Variants in VWCE observed in about 807,000 individuals in gnomAD.
VWCE encodes the protein von Willebrand factor C and EGF domain-containing protein.
In VWCE, 68 loss-of-function variants were observed where a neutral mutation model predicts 102.9. The observed-to-expected ratio is 0.66, with a 90% confidence interval of 0.54 to 0.81. The LOEUF is 0.81. VWCE is among the 30% of genes least tolerant of loss of function. The pLI is 0.00. For synonymous variants in VWCE, 497 were observed against 515.4 expected (o/e 0.96, Z 0.48); for missense variants, 1,137 against 1,263.6 (o/e 0.90, Z 1.52).
chr11:61,260,368 G>A (rs1253996392), intron 19 of VWCE, among the ~76,000 whole-genome samples: 1 of 152,118 alleles, frequency 6.6e-6, no homozygotes, highest in Non-Finnish European at 1.5e-5. Context: ...CAACCTCCTG[G>A]GCTCAAGCGA....
chr11:61,289,019 A>T (rs1209987425), intron 4 of VWCE, among the ~76,000 whole-genome samples: 1 of 151,202 alleles, frequency 6.6e-6, no homozygotes, highest in African/African-American at 2.4e-5. Context: ...TTGTATTTTT[A>T]GTAGAGACGG....
In VWCE at chr11:61,275,280, C is replaced by T. The variant is rs564555214; in HGVS notation, c.1496-696G>A. On this transcript the variant is annotated intron_variant, in intron 11 of 19. Transcript: ENST00000335613. ...GCTTTGATTTGAAGATCCACTCCAGCGAAAAAACAGCCTTAGAAACTGCCC... is the reference window on the plus strand; with the variant it reads ...GCTTTGATTTGAAGATCCACTCCAGTGAAAAAACAGCCTTAGAAACTGCCC... 1.4e-4 allele frequency among the ~76,000 whole-genome samples: 21 copies of T among 152,264 alleles called. No homozygotes were observed. The South Asian group carries it at 3.1e-3, about 23-fold the overall frequency.
chr11:61,292,477 C>T (rs1372686232), intron 1 of VWCE, among the ~76,000 whole-genome samples: 1 of 152,156 alleles, frequency 6.6e-6, no homozygotes, highest in Non-Finnish European at 1.5e-5. Flanking sequence ...ACAGGAGTGC[C>T]TGGCATGTAG....
intron 1 of VWCE, 141 bp from the exon 2 acceptor site, chr11:61,291,717 G>T: frequency 2.9e-6 from 2 of 688,692 alleles, no homozygotes; most frequent in Non-Finnish European, 4.3e-6. Flanking sequence ...AGTTTCCAAA[G>T]AAAAATGACC....
intron 19 of VWCE, among the ~76,000 whole-genome samples, chr11:61,263,303 C>CAAA (rs763833059): frequency 2.8e-5 from 2 of 70,264 alleles, no homozygotes; most frequent in Admixed American, 1.7e-4. Context: ...TGAGAATCCT[C>CAAA]AAAAAAAAAA....
chr11:61,282,890 AG>A lies in VWCE; in HGVS notation c.556del (p.Leu186Ter), dbSNP rs1451282305. 6.2e-7 allele frequency: 1 copy of A among 1,614,156 alleles called. No homozygotes were observed. Among genetic ancestry groups the A allele is most frequent in the Non-Finnish European group, 8.5e-7 (1 of 1,179,982 alleles). ...RHSCQDTDEC[L>X]GTPCQQRCKN... ...ACATCTCTGCTGACAGGGAGTCCCT[AG>A]GCATTCGTCAGTGTCTGGCAGGAAA... On this transcript the variant is annotated frameshift_variant, in exon 6 of 20. Transcript: ENST00000335613. LOFTEE classifies it high-confidence loss of function.
chr11:61,261,961 TTG>T (rs1216473031), intron 19 of VWCE, among the ~76,000 whole-genome samples: 1 of 152,150 alleles, frequency 6.6e-6, no homozygotes, highest in Non-Finnish European at 1.5e-5. Flanking sequence ...CTCTTGGTTT[TTG>T]TTTTTGTTTG....
In VWCE at chr11:61,281,214, G is replaced by A. The variant is rs777589829; in HGVS notation, c.809C>T (p.Ala270Val). 1.2e-6 allele frequency: 2 copies of A among 1,612,820 alleles called. No individual in the cohort carries two copies. The highest frequency in any genetic ancestry group is 1.7e-5 in the Admixed American group (1 of 60,020). The change falls in exon 8 of 20, where the codon GCC becomes GTC. Residue 270 changes from alanine (A) to valine (V), a missense_variant. By Grantham distance (64) the Ala-to-Val change is moderately conservative (BLOSUM62 0). Coordinates refer to ENST00000335613, the MANE Select transcript of VWCE (RefSeq NM_152718.2). The part of the protein sequence containing the change: ...SCEAFPKAVL[A>V]PSAILQPRQH... ...CCGGGGTTGCAGGATGGCAGATGGG[G>A]CCAGCACGGCTTTCGGGAAAGCTGA... is the stretch of plus-strand genomic sequence containing the variant.
intron 16 of VWCE, among the ~76,000 whole-genome samples, chr11:61,265,498 G>A (rs987181938): frequency 2.0e-5 from 3 of 152,172 alleles, no homozygotes; most frequent in Non-Finnish European, 4.4e-5. Flanking sequence ...ACCAAAACCC[G>A]ATAGAGAAAG....
intron 5 of VWCE, among the ~76,000 whole-genome samples, chr11:61,286,037 A>T (rs927070921): frequency 2.6e-5 from 4 of 152,174 alleles, no homozygotes; most frequent in African/African-American, 9.7e-5. Context: ...TACAGATGTG[A>T]GTCAACCCAC....
chr11:61,273,355 C>T, intron 12 of VWCE, 39 bp from the exon 13 acceptor site: 2 of 1,557,584 alleles, frequency 1.3e-6, no homozygotes, highest in South Asian at 1.2e-5. Flanking sequence ...GAGGGCGGCA[C>T]CCTGCCTGGG....
rs777336009 is a variant in VWCE at position 61,290,865 on chromosome 11, C to G, written c.358G>C (p.Glu120Gln). The change falls in exon 4 of 20, where the codon GAG (glutamate) becomes CAG (glutamine). Residue 120 changes from glutamate to glutamine, a missense_variant. Around this residue, in one of 5 missense-constraint regions of VWCE, gnomAD observed 575 missense variants for 625.9 expected, o/e 0.92. Coordinates refer to ENST00000335613, the MANE Select transcript of VWCE (RefSeq NM_152718.2). Reference protein sequence around the residue: ...DLTCNHGGCQEVARVCPVGFS... With the variant: ...DLTCNHGGCQQVARVCPVGFS... ...CCCACGGGGCACACTCGGGCCACCT[C>G]CTGACAGCCTCCATGGTTGCAGGTA... 5.0e-6 allele frequency: 8 copies of G among 1,613,806 alleles called. No individual in the cohort carries two copies. The highest frequency in any genetic ancestry group is 6.8e-6 in the Non-Finnish European group (8 of 1,180,024).
chr11:61,273,188 GA>G lies in VWCE; in HGVS notation c.1699+10del, dbSNP rs757840407. On this transcript the variant is annotated intron_variant, in intron 13 of 19. Transcript: ENST00000335613. Reference sequence around the variant, plus strand: ...CATGCCCTGTGTCGGGGCAGCCCTGGACCAGCTCACCTGTCGAGGGTGTGGG... The same window carrying G: ...CATGCCCTGTGTCGGGGCAGCCCTGGCCAGCTCACCTGTCGAGGGTGTGGG... The G allele has an allele frequency of 6.2e-7, 1 of 1,613,496 alleles. No individual in the cohort carries two copies. Among genetic ancestry groups the G allele is most frequent in the South Asian group, 1.1e-5 (1 of 91,052 alleles).
At chr11:61,267,636 C>T in intron 15 of VWCE, 92 bp from the exon 16 acceptor site, 1 of 1,249,376 alleles carries the variant, frequency 8.0e-7, no homozygotes. Context: ...ATCTGGATGG[C>T]AAAGGGGAGG....
chr11:61,291,860 G>A (rs1855513363), intron 1 of VWCE, among the ~76,000 whole-genome samples: 1 of 152,236 alleles, frequency 6.6e-6, no homozygotes, highest in Non-Finnish European at 1.5e-5. Flanking sequence ...AAGAAAGGCT[G>A]TGCAATAGAT....
At chr11:61,262,422 TAGC>T (rs1446477207) in intron 19 of VWCE, among the ~76,000 whole-genome samples, 1 of 152,180 alleles carries the variant, frequency 6.6e-6, no homozygotes, top group African/African-American at 2.4e-5. Flanking sequence ...GGAGATAACA[TAGC>T]AGCCACGCTG....
intron 16 of VWCE, among the ~76,000 whole-genome samples, chr11:61,266,149 G>C (rs886779477): frequency 6.6e-6 from 1 of 152,144 alleles, no homozygotes; most frequent in Non-Finnish European, 1.5e-5. Context: ...GATCACTTGA[G>C]GCCAGGAATT....
At chr11:61,263,073 G>A (rs1051126414) in intron 19 of VWCE, among the ~76,000 whole-genome samples, 3 of 152,194 alleles carry the variant, frequency 2.0e-5, no homozygotes, top group African/African-American at 4.8e-5. Flanking sequence ...TTGGGAGGCC[G>A]AGGTGGGTGG....
At chr11:61,263,337 C>T (rs1368247964) in intron 19 of VWCE, among the ~76,000 whole-genome samples, 2 of 150,628 alleles carry the variant, frequency 1.3e-5, no homozygotes, top group Non-Finnish European at 2.9e-5. Context: ...CTGTCATTTG[C>T]AACAACATGG....
Sources: gnomAD v4.1 joint callset for allele counts (sites outside exome capture counted in the v4.1 genomes callset) on GRCh38, gnomAD v4.1.1 for gene constraint, gnomAD v4.1.1 regional missense constraint, MANE v1.5 for transcripts, NCBI Gene and HGNC (gene_info 2026-07-23, HGNC 2026-07-21) for gene names.